Variants in ATP2B1 observed in about 807,000 individuals in gnomAD.
ATP2B1 encodes the protein plasma membrane calcium-transporting ATPase 1.
A neutral mutation model predicts 124.2 loss-of-function variants in ATP2B1; 14 were observed. That is an observed-to-expected ratio of 0.11 (90% confidence interval 0.07 to 0.18). ATP2B1 has a LOEUF of 0.18. Among genes scored for constraint, ATP2B1 ranks in the 10% least tolerant of loss-of-function variants. The pLI, the probability that ATP2B1 is intolerant of heterozygous loss-of-function variation, is 1.00. For synonymous variants in ATP2B1, 449 were observed against 492.4 expected (o/e 0.91, Z 1.17); for missense variants, 763 against 1,466.1 (o/e 0.52, Z 7.83).
intron 1 of ATP2B1, among the ~76,000 whole-genome samples, chr12:89,698,969 C>G (rs1891504502): frequency 6.6e-6 from 1 of 152,164 alleles, no homozygotes; most frequent in African/African-American, 2.4e-5. Context: ...AAGCTTCCAG[C>G]CTTCTGCAAG....
chr12:89,659,334 T>C (rs1886383515), intron 1 of ATP2B1, among the ~76,000 whole-genome samples: 1 of 150,472 alleles, frequency 6.6e-6, no homozygotes, highest in African/African-American at 2.5e-5. Flanking sequence ...AAACCACTGT[T>C]GGTAGTCTTT....
At position 89,683,995 on chromosome 12, in the gene ATP2B1, T is replaced by C. The variant is rs915069906; in HGVS notation, c.-222+24601A>G. On this transcript the variant is annotated intron_variant, in intron 1 of 20. Coordinates refer to ENST00000428670, the MANE Select transcript of ATP2B1 (RefSeq NM_001366521.1). The stretch of plus-strand genomic sequence containing the variant: ...GCAGAATGGCCAAATACCATACAGC[T>C]GTAAAAAAGAATGAGGACAATGTCT... Among the ~76,000 whole-genome samples the C allele has an allele frequency of 9.2e-5, 14 of 152,186 alleles. 1 individual carries two copies. In the South Asian group the frequency reaches 2.7e-3, roughly 29 times the overall value.
intron 6 of ATP2B1, among the ~76,000 whole-genome samples, chr12:89,629,773 G>T (rs1223073309): frequency 6.6e-6 from 1 of 152,146 alleles, no homozygotes; most frequent in Non-Finnish European, 1.5e-5. Context: ...AACCTAAAGG[G>T]AAAAGACTCC....
chr12:89,621,136 C>T (rs996420975), intron 10 of ATP2B1, among the ~76,000 whole-genome samples: 3 of 152,008 alleles, frequency 2.0e-5, no homozygotes, highest in African/African-American at 7.2e-5. Context: ...TACTGAGAAA[C>T]CAAACAGAAC....
intron 11 of ATP2B1, 49 bp from the exon 12 acceptor site, chr12:89,617,088 G>A (rs367544629): frequency 2.1e-6 from 3 of 1,448,242 alleles, no homozygotes; most frequent in East Asian, 2.3e-5. Context: ...AAAAATAATG[G>A]TTAATGCCAT....
intron 11 of ATP2B1, among the ~76,000 whole-genome samples, chr12:89,617,570 T>G (rs1406475545): frequency 6.6e-6 from 1 of 152,232 alleles, no homozygotes; most frequent in Non-Finnish European, 1.5e-5. Context: ...AAAGTTATTT[T>G]CAGTGACACT....
intron 1 of ATP2B1, among the ~76,000 whole-genome samples, chr12:89,707,261 T>A (rs1425215895): frequency 1.3e-5 from 2 of 152,108 alleles, no homozygotes; most frequent in Admixed American, 6.5e-5. Context: ...TCCAAAGGGT[T>A]ACACACCCTC....
chr12:89,609,826 T>C (rs1419072964), intron 15 of ATP2B1, 111 bp downstream of exon 15: 4 of 931,016 alleles, frequency 4.3e-6, no homozygotes, highest in African/African-American at 1.7e-5. Flanking sequence ...CTCGAACTAA[T>C]CTTGAGGGAC....
chr12:89,657,095 G>A (rs1181036796), intron 1 of ATP2B1, among the ~76,000 whole-genome samples: 2 of 152,076 alleles, frequency 1.3e-5, no homozygotes, highest in Admixed American at 6.6e-5. Context: ...CCCAACAATG[G>A]ACTCATCTCA....
intron 8 of ATP2B1, among the ~76,000 whole-genome samples, chr12:89,625,644 A>T (rs572441232): frequency 6.6e-6 from 1 of 151,890 alleles, no homozygotes; most frequent in African/African-American, 2.4e-5. Flanking sequence ...GTGTAAGTCC[A>T]CATATCTGGT....
At chr12:89,622,457 A>G (rs1307422404) in intron 9 of ATP2B1, among the ~76,000 whole-genome samples, 2 of 152,072 alleles carry the variant, frequency 1.3e-5, no homozygotes, top group Admixed American at 6.6e-5. Flanking sequence ...AATCATTTCT[A>G]AAAAACCAAC....
At chr12:89,621,999 C>G (rs568510938) in intron 9 of ATP2B1, among the ~76,000 whole-genome samples, 1 of 151,618 alleles carries the variant, frequency 6.6e-6, no homozygotes, top group South Asian at 2.1e-4. Flanking sequence ...CCAGAGCTTT[C>G]TGGGGTTTCA....
intron 1 of ATP2B1, among the ~76,000 whole-genome samples, chr12:89,679,720 G>A (rs185294575): frequency 6.6e-6 from 1 of 152,168 alleles, no homozygotes; most frequent in East Asian, 1.9e-4. Flanking sequence ...TATGACAAAA[G>A]AGAAAAGGGG....
intron 20 of ATP2B1, among the ~76,000 whole-genome samples, chr12:89,595,955 C>T (rs957289053): frequency 2.6e-5 from 4 of 152,080 alleles, no homozygotes; most frequent in African/African-American, 9.6e-5. Flanking sequence ...CTCCCCTAGC[C>T]ACATGGGCCC....
At chr12:89,672,849 C>G (rs1324950769) in intron 1 of ATP2B1, among the ~76,000 whole-genome samples, 1 of 152,238 alleles carries the variant, frequency 6.6e-6, no homozygotes, top group Non-Finnish European at 1.5e-5. Flanking sequence ...GTGCGGTTAT[C>G]TGTATACACT....
chr12:89,685,184 A>T (rs1055611308), intron 1 of ATP2B1, among the ~76,000 whole-genome samples: 1 of 127,830 alleles, frequency 7.8e-6, no homozygotes, highest in Admixed American at 8.8e-5. Context: ...TGAGGTGATA[A>T]GTAGTCTGGG....
At chr12:89,630,741 C>T (rs1041255314) in intron 5 of ATP2B1, 96 bp from the exon 6 acceptor site, 1 of 514,372 alleles carries the variant, frequency 1.9e-6, no homozygotes, top group Non-Finnish European at 3.0e-6. Flanking sequence ...TTAACAGCCT[C>T]AACATTTAGG....
At chr12:89,630,702 C>T in intron 5 of ATP2B1, 57 bp from the exon 6 acceptor site, 1 of 1,306,852 alleles carries the variant, frequency 7.7e-7, no homozygotes, top group Non-Finnish European at 1.0e-6. Context: ...CTTGCTACCA[C>T]CAAATTTCAA....
At chr12:89,618,481 C>T (rs1879392859) in intron 11 of ATP2B1, among the ~76,000 whole-genome samples, 1 of 152,184 alleles carries the variant, frequency 6.6e-6, no homozygotes, top group African/African-American at 2.4e-5. Flanking sequence ...AAAAAAAATT[C>T]TCTCCTAAAC....
Sources: gnomAD v4.1 joint callset for allele counts (sites outside exome capture counted in the v4.1 genomes callset) on GRCh38, gnomAD v4.1.1 for gene constraint, MANE v1.5 for transcripts, NCBI Gene and HGNC (gene_info 2026-07-23, HGNC 2026-07-21) for gene names.